Variants in TACC2 observed in about 807,000 individuals in gnomAD.
TACC2 encodes the protein transforming acidic coiled-coil-containing protein 2.
In TACC2, 137 loss-of-function variants were observed where a neutral mutation model predicts 227.3. That is an observed-to-expected ratio of 0.60 (90% confidence interval 0.52 to 0.69). The LOEUF (loss-of-function observed/expected upper bound fraction) is 0.69, where lower values mean the gene tolerates loss of function less well. Among genes scored for constraint, TACC2 ranks in the 30% least tolerant of loss-of-function variants. The pLI is 0.00. For synonymous variants in TACC2, 1,523 were observed against 1,487.5 expected (o/e 1.02, Z -0.55); for missense variants, 3,470 against 3,694.4 (o/e 0.94, Z 1.57).
chr10:122,086,580 G>A lies in TACC2; in HGVS notation c.4080G>A (p.Glu1360=), dbSNP rs1356331011. 1.9e-6 allele frequency: 3 copies of A among 1,599,262 alleles called. No homozygotes were observed. The highest frequency in any genetic ancestry group is 1.3e-5 in the African/African-American group (1 of 74,710). ...APGAGAKASG[E]GMAGDAAGET... ...GTGCAGGTGCCAAGGCCAGTGGGGA[G>A]GGCATGGCAGGTGATGCAGCAGGAG... The change falls in exon 4 of 23, where the codon GAG becomes GAA. Residue 1360 remains glutamate (E), a synonymous_variant. Coordinates refer to ENST00000369005, the MANE Select transcript of TACC2 (RefSeq NM_206862.4).
At position 122,186,022 on chromosome 10, in the gene TACC2, C is replaced by A. The variant is rs151143477; in HGVS notation, c.5835-9018C>A. ...CTCGGCTCACCTCAACCTCCACCTCCTGGGCAAGCTATTCTCCCGCCTCAG... is the reference window on the plus strand; with the variant it reads ...CTCGGCTCACCTCAACCTCCACCTCATGGGCAAGCTATTCTCCCGCCTCAG... On this transcript the variant is annotated intron_variant, in intron 7 of 22. Coordinates refer to ENST00000369005, the MANE Select transcript of TACC2 (RefSeq NM_206862.4). Among the ~76,000 whole-genome samples, 32 of 151,584 alleles carry A rather than the reference C, an allele frequency of 2.1e-4. No individual in the cohort carries two copies. The East Asian group carries it at 6.3e-3, about 30-fold the overall frequency.
intron 2 of TACC2, among the ~76,000 whole-genome samples, chr10:122,038,285 A>AAACAC (rs1370279044): frequency 1.3e-5 from 2 of 152,332 alleles, no homozygotes; most frequent in Admixed American, 6.5e-5. Context: ...ACAAATAAAC[A>AAACAC]AACACACAAA....
chr10:122,091,254 G>T (rs1407475638), intron 5 of TACC2, among the ~76,000 whole-genome samples: 1 of 149,956 alleles, frequency 6.7e-6, no homozygotes, highest in Non-Finnish European at 1.5e-5. Context: ...AATTTAGTAT[G>T]AAAAAAAAAG....
At chr10:122,217,353 G>T (rs897124938) in intron 11 of TACC2, among the ~76,000 whole-genome samples, 19 of 151,904 alleles carry the variant, frequency 1.3e-4, no homozygotes, top group African/African-American at 4.6e-4. Flanking sequence ...GGGCAGAAAT[G>T]GGCTCCGGAC....
At chr10:122,201,912 C>T (rs1156560259) in intron 8 of TACC2, among the ~76,000 whole-genome samples, 1 of 152,172 alleles carries the variant, frequency 6.6e-6, no homozygotes, top group Non-Finnish European at 1.5e-5. Flanking sequence ...AGTGGCAAAG[C>T]CAAGGTTTCC....
chr10:122,087,447 G>A lies in TACC2; in HGVS notation c.4947G>A (p.Glu1649=). 6.2e-7 allele frequency: 1 copy of A among 1,614,076 alleles called. No homozygotes were observed. Among genetic ancestry groups the A allele is most frequent in the South Asian group, 1.1e-5 (1 of 91,084 alleles). ...EVLTVPEANS[E]PWTLDTLGGE... ...TGACTGTGCCTGAGGCCAACAGTGAGCCCTGGACCCTTGACACGCTTGGGG... is the reference window on the plus strand; with the variant it reads ...TGACTGTGCCTGAGGCCAACAGTGAACCCTGGACCCTTGACACGCTTGGGG... Residue 1649 remains glutamate (E), a synonymous_variant, in exon 4 of 23, where the codon GAG becomes GAA. Transcript: ENST00000369005.
chr10:122,089,418 C>T (rs1442767108), intron 5 of TACC2, among the ~76,000 whole-genome samples: 1 of 152,218 alleles, frequency 6.6e-6, no homozygotes, highest in African/African-American at 2.4e-5. Flanking sequence ...TCCAGGAGAT[C>T]TCGAGATTCA....
rs1423107266 is a variant in TACC2, at chr10:122,083,851, C to A, written c.1351C>A (p.Pro451Thr). Residue 451 changes from proline to threonine, a missense_variant, in exon 4 of 23, where the codon CCA (proline) becomes ACA (threonine). Transcript: ENST00000369005. ...SRESVSKAGM[P>T]VSADAAKEVV... The stretch of plus-strand genomic sequence containing the variant: ...GGAATCAGTTTCCAAGGCTGGGATG[C>A]CAGTTTCTGCAGATGCAGCCAAAGA... The A allele has an allele frequency of 6.2e-7, 1 of 1,614,112 alleles. No homozygotes were observed. Among genetic ancestry groups the A allele is most frequent in the Non-Finnish European group, 8.5e-7 (1 of 1,180,024 alleles).
At chr10:122,114,777 A>G (rs971140771) in intron 5 of TACC2, among the ~76,000 whole-genome samples, 27 of 152,206 alleles carry the variant, frequency 1.8e-4, no homozygotes, top group African/African-American at 6.3e-4. Context: ...GTGTTATGGA[A>G]CTGCCTTATG....
chr10:122,138,324 A>G (rs2090019524), intron 6 of TACC2, among the ~76,000 whole-genome samples: 1 of 152,198 alleles, frequency 6.6e-6, no homozygotes, highest in African/African-American at 2.4e-5. Context: ...CCTGGCCAAC[A>G]TGGCAAAATC....
rs372195285 is a variant in TACC2, at chr10:122,055,619, A to T, written c.146+5069A>T. Reference sequence around the variant, plus strand: ...TGATAACTAATGGGTACTAGGCTTAATACCTGGGTGATGAAATAATCTGTA... The same window carrying T: ...TGATAACTAATGGGTACTAGGCTTATTACCTGGGTGATGAAATAATCTGTA... On this transcript the variant is annotated intron_variant, in intron 3 of 22. Transcript: ENST00000369005. 5.9e-5 allele frequency among the ~76,000 whole-genome samples: 9 copies of T among 152,336 alleles called. No homozygotes were observed. In the South Asian group the frequency reaches 1.9e-3, roughly 32 times the overall value.
chr10:122,150,478 G>A lies in TACC2; in HGVS notation c.5834+6772G>A, dbSNP rs2091923269. ...CTCGGCTTCCACTTGATGGTTTTAGGTGCTTGCCCTGCGGGAGGCTGCGTT... is the reference window on the plus strand; with the variant it reads ...CTCGGCTTCCACTTGATGGTTTTAGATGCTTGCCCTGCGGGAGGCTGCGTT... On this transcript the variant is annotated intron_variant, in intron 7 of 22. Transcript: ENST00000369005. This position sits in a 1 kb window ranked among gnomAD's most constrained non-coding sequence, Gnocchi z 4.0. 1.3e-5 allele frequency among the ~76,000 whole-genome samples: 2 copies of A among 152,316 alleles called. No individual in the cohort carries two copies. Among genetic ancestry groups the A allele is most frequent in the East Asian group, 3.9e-4 (2 of 5,170 alleles).
At chr10:122,140,845 G>A (rs2090422633) in intron 6 of TACC2, among the ~76,000 whole-genome samples, 1 of 152,216 alleles carries the variant, frequency 6.6e-6, no homozygotes, top group Non-Finnish European at 1.5e-5. Flanking sequence ...CTCAGGGGGA[G>A]TTCAAGGGAC....
At chr10:122,187,465 T>G (rs1457748358) in intron 7 of TACC2, among the ~76,000 whole-genome samples, 2 of 152,192 alleles carry the variant, frequency 1.3e-5, no homozygotes, top group Non-Finnish European at 2.9e-5. Context: ...GCTAGCAGAA[T>G]TACATTTCCC....
chr10:122,166,102 G>A (rs1565481968), intron 7 of TACC2, among the ~76,000 whole-genome samples: 1 of 152,310 alleles, frequency 6.6e-6, no homozygotes, highest in East Asian at 1.9e-4. Context: ...AGATGATGCC[G>A]TCAGGGCTGC....
At chr10:122,104,455 G>A (rs183041913) in intron 5 of TACC2, among the ~76,000 whole-genome samples, 286 of 151,784 alleles carry the variant, frequency 1.9e-3, no homozygotes, top group Non-Finnish European at 1.4e-3. Flanking sequence ...TGCAACCTCC[G>A]CCTCCCAGGT....
chr10:122,005,121 G>A (rs776901927), intron 1 of TACC2, among the ~76,000 whole-genome samples: 20 of 151,730 alleles, frequency 1.3e-4, no homozygotes, highest in South Asian at 4.2e-4. Context: ...TCACCTTGTC[G>A]CCCAGGCTGG....
At chr10:122,217,836 C>T (rs1359674633) in intron 11 of TACC2, among the ~76,000 whole-genome samples, 3 of 152,184 alleles carry the variant, frequency 2.0e-5, no homozygotes, top group African/African-American at 7.2e-5. Context: ...GTTCCCAGTC[C>T]TCCAACCCAT....
At chr10:122,167,879 C>A (rs2093267836) in intron 7 of TACC2, among the ~76,000 whole-genome samples, 1 of 152,062 alleles carries the variant, frequency 6.6e-6, no homozygotes, top group African/African-American at 2.4e-5. Context: ...CTCATTAGAT[C>A]TTTTTCTTTT....
Sources: gnomAD v4.1 joint callset for allele counts (sites outside exome capture counted in the v4.1 genomes callset) on GRCh38, gnomAD v4.1.1 for gene constraint, Gnocchi (gnomAD v3.1) non-coding constraint, MANE v1.5 for transcripts, NCBI Gene and HGNC (gene_info 2026-07-23, HGNC 2026-07-21) for gene names.